TMTC2: variants seen among roughly 807,000 people sequenced by gnomAD.
TMTC2 encodes transmembrane O-mannosyltransferase targeting cadherins 2.
In TMTC2, 43 loss-of-function variants were observed where a neutral mutation model predicts 82.4. The ratio of observed to expected loss-of-function variants is 0.52; its 90% CI spans 0.41 to 0.67. The LOEUF is 0.67. Ranked by LOEUF, TMTC2 falls within the 30% of genes least tolerant of loss-of-function variation. The pLI, the probability that TMTC2 is intolerant of heterozygous loss-of-function variation, is 0.00. For synonymous variants in TMTC2, 408 were observed against 381.9 expected (o/e 1.07, Z -0.80); for missense variants, 919 against 1,012.4 (o/e 0.91, Z 1.25).
At chr12:83,040,697 T>C (rs1881857401) in intron 9 of TMTC2, among the ~76,000 whole-genome samples, 1 of 150,276 alleles carries the variant, frequency 6.7e-6, no homozygotes, top group Non-Finnish European at 1.5e-5. Context: ...TTTTTTTTTT[T>C]TCTTTTGAGA....
At chr12:82,982,309 T>C (rs1199537898) in intron 7 of TMTC2, among the ~76,000 whole-genome samples, 1 of 151,916 alleles carries the variant, frequency 6.6e-6, no homozygotes, top group Non-Finnish European at 1.5e-5. Context: ...TATCAAGGAT[T>C]GGAAATGAGA....
intron 11 of TMTC2, among the ~76,000 whole-genome samples, chr12:83,066,215 G>A (rs985556752): frequency 3.9e-5 from 6 of 151,908 alleles, no homozygotes; most frequent in South Asian, 4.2e-4. Flanking sequence ...TAAGCAAAGC[G>A]CACAGGAGAG....
rs371582622 is a variant in TMTC2 at position 83,071,735 on chromosome 12, G to A, written c.2331+9904G>A. On this transcript the variant is annotated intron_variant, in intron 11 of 11. Transcript: ENST00000321196. ...AATTCTTCCTGATTTAAGCTAGGAG[G>A]GTTGTATCTTTCCCGGAATTTATCC... Among the ~76,000 whole-genome samples, 6 of 152,024 alleles carry A rather than the reference G, an allele frequency of 3.9e-5. No homozygotes were observed. The East Asian group carries it at 1.2e-3, about 29-fold the overall frequency.
intron 2 of TMTC2, among the ~76,000 whole-genome samples, chr12:82,866,729 A>G (rs972169160): frequency 2.0e-5 from 3 of 152,208 alleles, no homozygotes; most frequent in African/African-American, 7.2e-5. Flanking sequence ...ATCCATTGTC[A>G]TTACCTAGAA....
chr12:82,706,118 G>A (rs185639785), intron 1 of TMTC2, among the ~76,000 whole-genome samples: 1 of 152,082 alleles, frequency 6.6e-6, no homozygotes, highest in Non-Finnish European at 1.5e-5. Context: ...AGACCAGCCC[G>A]GCCAACATGG....
chr12:82,801,430 C>T (rs1878992534), intron 1 of TMTC2, among the ~76,000 whole-genome samples: 1 of 152,074 alleles, frequency 6.6e-6, no homozygotes. Flanking sequence ...GAAGGGGACC[C>T]AAGCGGGTTG....
intron 1 of TMTC2, among the ~76,000 whole-genome samples, chr12:82,691,514 G>A (rs1872577393): frequency 6.6e-6 from 1 of 152,010 alleles, no homozygotes; most frequent in Admixed American, 6.6e-5. Flanking sequence ...TAAAATGAAG[G>A]AATGGAATTT....
intron 8 of TMTC2, among the ~76,000 whole-genome samples, chr12:83,012,175 C>G (rs1880491797): frequency 6.6e-6 from 1 of 152,058 alleles, no homozygotes; most frequent in South Asian, 2.1e-4. Flanking sequence ...TCAGCTTGGT[C>G]TTACTTATTT....
chr12:82,731,058 T>C (rs1874782138), intron 1 of TMTC2, among the ~76,000 whole-genome samples: 1 of 152,224 alleles, frequency 6.6e-6, no homozygotes, highest in African/African-American at 2.4e-5. Flanking sequence ...CATGTGTTTG[T>C]AATTACAGTT....
At chr12:83,056,095 G>A (rs1321756982) in intron 10 of TMTC2, among the ~76,000 whole-genome samples, 1 of 151,774 alleles carries the variant, frequency 6.6e-6, no homozygotes, top group Non-Finnish European at 1.5e-5. Flanking sequence ...AACAGATTGT[G>A]GAATGTGTAA....
At chr12:82,841,442 A>G (rs11115457) in intron 1 of TMTC2, among the ~76,000 whole-genome samples, 37,407 of 152,100 alleles carry the variant, frequency 0.25, 11,174 homozygotes, top group African/African-American at 0.72. Context: ...GGTGGTTTGC[A>G]GACCAAATGT....
chr12:83,007,997 C>A (rs1434930082), intron 8 of TMTC2, among the ~76,000 whole-genome samples: 2 of 152,138 alleles, frequency 1.3e-5, no homozygotes, highest in African/African-American at 4.8e-5. Context: ...TAATTCGCAA[C>A]CTTATCCATA....
At chr12:82,787,993 A>G (rs1218857062) in intron 1 of TMTC2, among the ~76,000 whole-genome samples, 1 of 152,050 alleles carries the variant, frequency 6.6e-6, no homozygotes, top group Non-Finnish European at 1.5e-5. Flanking sequence ...TCCTTACTTC[A>G]TCTTGAGAAT....
At chr12:83,091,293 T>C (rs1452912997) in intron 11 of TMTC2, among the ~76,000 whole-genome samples, 1 of 152,238 alleles carries the variant, frequency 6.6e-6, no homozygotes, top group African/African-American at 2.4e-5. Context: ...CAAATTTTAC[T>C]CTATAAATAA....
chr12:82,979,079 A>G (rs1484949672), intron 7 of TMTC2, among the ~76,000 whole-genome samples: 1 of 151,572 alleles, frequency 6.6e-6, no homozygotes, highest in Non-Finnish European at 1.5e-5. Context: ...GTGTCTTTAT[A>G]GGTAAAGTGT....
At chr12:82,950,795 A>G (rs890302211) in intron 4 of TMTC2, among the ~76,000 whole-genome samples, 4 of 152,158 alleles carry the variant, frequency 2.6e-5, no homozygotes, top group African/African-American at 9.7e-5. Context: ...TTAAGGAAAA[A>G]CTCATATAAA....
intron 8 of TMTC2, among the ~76,000 whole-genome samples, chr12:83,012,238 C>T (rs189360375): frequency 2.5e-3 from 385 of 151,984 alleles, no homozygotes; most frequent in Non-Finnish European, 4.1e-3. Context: ...GAACAAAATA[C>T]ATCATTTTAG....
chr12:82,926,719 T>C (rs1327292803), intron 3 of TMTC2, among the ~76,000 whole-genome samples: 2 of 152,184 alleles, frequency 1.3e-5, no homozygotes, highest in Admixed American at 1.3e-4. Flanking sequence ...CTAATACAAC[T>C]GGTAACCTTC....
Position 82,695,505 on chromosome 12 carries a change from A to G in TMTC2, c.83+7836A>G, listed in dbSNP as rs570403682. The stretch of plus-strand genomic sequence containing the variant: ...CAAAACTGGTCTTTGAGAGAGGTAG[A>G]TAAGTCAAAATACTTTGTGAAAAGT... On this transcript the variant is annotated intron_variant, in intron 1 of 11. Coordinates refer to ENST00000321196, the MANE Select transcript of TMTC2 (RefSeq NM_152588.3). Among the ~76,000 whole-genome samples the G allele has an allele frequency of 9.5e-4, 145 of 152,360 alleles. 1 individual carries two copies. The highest frequency in any genetic ancestry group is 2.7e-3 in the Admixed American group (42 of 15,304).
Sources: gnomAD v4.1 joint callset for allele counts (sites outside exome capture counted in the v4.1 genomes callset) on GRCh38, gnomAD v4.1.1 for gene constraint, MANE v1.5 for transcripts, NCBI Gene and HGNC (gene_info 2026-07-23, HGNC 2026-07-21) for gene names.